The following HEG1 variants were observed in gnomAD, a reference collection of about 807,000 sequenced individuals.
HEG1 encodes protein HEG homolog 1.
HEG1 carries 56 observed loss-of-function variants against 125.6 expected under a neutral mutation model. The observed-to-expected ratio is 0.45, with a 90% CI of 0.36 to 0.56. The LOEUF is 0.56. Among genes scored for constraint, HEG1 ranks in the 20% least tolerant of loss-of-function variants. The pLI is 0.00. For synonymous variants in HEG1, 644 were observed against 668.5 expected (o/e 0.96, Z 0.57); for missense variants, 1,523 against 1,670.0 (o/e 0.91, Z 1.53).
intron 14 of HEG1, among the ~76,000 whole-genome samples, chr3:124,984,713 C>T (rs1412752433): frequency 2.6e-5 from 4 of 151,918 alleles, no homozygotes; most frequent in Non-Finnish European, 2.9e-5. Context: ...GAGCCAAGAT[C>T]GCACTACTGC....
Position 124,985,447 on chromosome 3 carries a change from T to G in HEG1, c.3733+5340A>C, listed in dbSNP as rs1226092298. Among the ~76,000 whole-genome samples the G allele has an allele frequency of 4.6e-5, 7 of 152,300 alleles. No individual in the cohort carries two copies. In the South Asian group the frequency reaches 1.5e-3, roughly 32 times the overall value. ...AAAGGCTAAACAACCCAAAGTTGTT[T>G]AGCAATTATGAAACTGTGAGGAGGA... On this transcript the variant is annotated intron_variant, in intron 14 of 16. Coordinates refer to ENST00000311127, the MANE Select transcript of HEG1 (RefSeq NM_020733.2).
intron 15 of HEG1, among the ~76,000 whole-genome samples, chr3:124,977,033 T>G (rs1053634178): frequency 6.6e-6 from 1 of 152,154 alleles, no homozygotes; most frequent in African/African-American, 2.4e-5. Context: ...GGGAGATGGT[T>G]GAATCATGGG....
At chr3:125,030,049 C>A (rs1477907382) in intron 1 of HEG1, among the ~76,000 whole-genome samples, 2 of 152,142 alleles carry the variant, frequency 1.3e-5, no homozygotes, top group African/African-American at 2.4e-5. Flanking sequence ...CAACATGGGG[C>A]TCATGGAAGA....
At chr3:125,033,076 C>T (rs951533358) in intron 1 of HEG1, among the ~76,000 whole-genome samples, 3 of 152,196 alleles carry the variant, frequency 2.0e-5, no homozygotes, top group African/African-American at 7.2e-5. Flanking sequence ...ATAAACAAAA[C>T]TGAAAGGTAG....
At chr3:125,012,569 T>C in intron 6 of HEG1, 54 bp downstream of exon 6, 3 of 1,515,020 alleles carry the variant, frequency 2.0e-6, no homozygotes, top group Non-Finnish European at 1.8e-6. Flanking sequence ...CATGTAGCTC[T>C]CAGTGCTGGA....
chr3:125,020,690 C>T (rs1460412664), intron 4 of HEG1, 102 bp downstream of exon 4: 5 of 953,374 alleles, frequency 5.2e-6, no homozygotes, highest in South Asian at 1.7e-5. Flanking sequence ...TTAAAAAGCA[C>T]ACTTTTCTCT....
At chr3:125,015,646 G>A (rs943462264) in intron 5 of HEG1, among the ~76,000 whole-genome samples, 1 of 152,120 alleles carries the variant, frequency 6.6e-6, no homozygotes, top group Non-Finnish European at 1.5e-5. Flanking sequence ...TCTCTTTTGG[G>A]TATGTGTTTA....
chr3:125,033,733 C>T (rs906798166), intron 1 of HEG1, among the ~76,000 whole-genome samples: 4 of 152,254 alleles, frequency 2.6e-5, no homozygotes, highest in African/African-American at 9.6e-5. Flanking sequence ...GGTAGCGGTC[C>T]GCGGGCTATT....
intron 1 of HEG1, among the ~76,000 whole-genome samples, chr3:125,041,171 G>A (rs1466628181): frequency 6.6e-5 from 10 of 152,160 alleles, no homozygotes; most frequent in Non-Finnish European, 1.2e-4. Context: ...GATTTCCGGC[G>A]TGTGGCAAGC....
At chr3:124,984,252 G>A (rs538459265) in intron 14 of HEG1, among the ~76,000 whole-genome samples, 16 of 152,294 alleles carry the variant, frequency 1.1e-4, no homozygotes, top group African/African-American at 3.8e-4. Flanking sequence ...TGTCAGTGGG[G>A]AAGGCAGACT....
At chr3:125,037,961 G>A (rs1380324956) in intron 1 of HEG1, among the ~76,000 whole-genome samples, 1 of 152,220 alleles carries the variant, frequency 6.6e-6, no homozygotes, top group East Asian at 1.9e-4. Context: ...AAAACCAATG[G>A]AATGTAGACA....
chr3:125,001,260 T>C (rs1235837345), intron 11 of HEG1, among the ~76,000 whole-genome samples: 1 of 151,894 alleles, frequency 6.6e-6, no homozygotes, highest in Non-Finnish European at 1.5e-5. Context: ...CCTAATAATG[T>C]ATCATGATGA....
chr3:125,037,387 T>C (rs1286040906), intron 1 of HEG1, among the ~76,000 whole-genome samples: 1 of 152,200 alleles, frequency 6.6e-6, no homozygotes, highest in African/African-American at 2.4e-5. Flanking sequence ...TAATAGAAAG[T>C]TGGCTCATGC....
chr3:125,052,494 G>A (rs563099521), intron 1 of HEG1, among the ~76,000 whole-genome samples: 191 of 152,276 alleles, frequency 1.3e-3, no homozygotes, highest in Admixed American at 1.6e-3. Context: ...TCCCCTTTGG[G>A]TGGGAAAGTT....
Position 125,041,605 on chromosome 3 carries a change from CA to C in HEG1, c.317-12118del, listed in dbSNP as rs1180736550. ...GCAATCCCACTTCTGGGTCTATATG[CA>C]AAAGAATTGAAAGCAGGAACTCAAA... On this transcript the variant is annotated intron_variant, in intron 1 of 16. Coordinates refer to ENST00000311127, the MANE Select transcript of HEG1 (RefSeq NM_020733.2). Among the ~76,000 whole-genome samples, 5 of 152,086 alleles carry C rather than the reference CA, an allele frequency of 3.3e-5. No individual in the cohort carries two copies. In the South Asian group the frequency reaches 1.0e-3, roughly 32 times the overall value.
chr3:124,995,289 G>T (rs1936903382), intron 12 of HEG1, among the ~76,000 whole-genome samples: 1 of 151,794 alleles, frequency 6.6e-6, no homozygotes, highest in Non-Finnish European at 1.5e-5. Flanking sequence ...ACAGAGCAAG[G>T]CTTTGTCTCT....
At chr3:125,055,437 G>T in intron 1 of HEG1, 138 bp downstream of exon 1, 1 of 496,470 alleles carries the variant, frequency 2.0e-6, no homozygotes, top group Non-Finnish European at 2.9e-6. Context: ...GACCCTCAGG[G>T]TCCCGCACAC....
At chr3:125,044,354 G>C (rs1937630655) in intron 1 of HEG1, among the ~76,000 whole-genome samples, 1 of 152,012 alleles carries the variant, frequency 6.6e-6, no homozygotes, top group Non-Finnish European at 1.5e-5. Flanking sequence ...CAAGGACGGG[G>C]GCTGAAAAGA....
chr3:124,970,971 G>A (rs774032531), intron 16 of HEG1, 170 bp from the exon 17 acceptor site: 5 of 658,548 alleles, frequency 7.6e-6, no homozygotes, highest in African/African-American at 3.7e-5. Flanking sequence ...TCTCTCTGGA[G>A]CACAACCCAC....
Sources: gnomAD v4.1 joint callset for allele counts (sites outside exome capture counted in the v4.1 genomes callset) on GRCh38, gnomAD v4.1.1 for gene constraint, MANE v1.5 for transcripts, NCBI Gene and HGNC (gene_info 2026-07-23, HGNC 2026-07-21) for gene names.